Variants in NR6A1 observed in about 807,000 individuals in gnomAD.
NR6A1 encodes the protein nuclear receptor subfamily 6 group A member 1.
NR6A1 carries 7 observed loss-of-function variants against 59.1 expected under a neutral mutation model. The ratio of observed to expected loss-of-function variants is 0.12; its 90% CI spans 0.07 to 0.22. The LOEUF is 0.22. Among genes scored for constraint, NR6A1 ranks in the 10% least tolerant of loss-of-function variants. NR6A1 has a pLI of 1.00. For missense variants in NR6A1, 468 were observed against 611.6 expected, an observed-to-expected ratio of 0.77 and a Z score of 2.48; for synonymous variants, 243 against 236.1, an observed-to-expected ratio of 1.03 and a Z score of -0.27.
chr9:124,771,181 CGT>C lies in NR6A1; in HGVS notation c.-64_-63del. 1.0e-6 allele frequency: 1 copy of C among 966,436 alleles called. No homozygotes were observed. Among genetic ancestry groups the C allele is most frequent in the Non-Finnish European group, 1.3e-6 (1 of 745,250 alleles). The allele number at this position is 966,436 out of a possible 1,614,324, so 59.9% of individuals were successfully genotyped here. On this transcript the variant is annotated 5_prime_UTR_variant, in exon 1 of 10. Transcript: ENST00000487099. ...CCGCCATGACCGGCGCCCTAGTCGC[CGT>C]GGTCGTCGTCCGCCGAGGGGAGGAG...
intron 2 of NR6A1, among the ~76,000 whole-genome samples, chr9:124,588,498 C>T (rs4548285): frequency 6.6e-6 from 1 of 151,008 alleles, no homozygotes; most frequent in Non-Finnish European, 1.5e-5. Flanking sequence ...TTAGTAGAGA[C>T]GGGGTTTCAC....
At chr9:124,756,839 C>T (rs954771776) in intron 1 of NR6A1, among the ~76,000 whole-genome samples, 1 of 152,024 alleles carries the variant, frequency 6.6e-6, no homozygotes, top group South Asian at 2.1e-4. Context: ...TAGAGGCAAC[C>T]AGAGAAGGCT....
chr9:124,620,585 G>A (rs1836040998), intron 2 of NR6A1, among the ~76,000 whole-genome samples: 1 of 152,078 alleles, frequency 6.6e-6, no homozygotes, highest in African/African-American at 2.4e-5. Flanking sequence ...TAATACATAT[G>A]GTATAATTCA....
intron 3 of NR6A1, 64 bp from the exon 4 acceptor site, chr9:124,543,921 AAG>A: frequency 2.8e-6 from 4 of 1,443,104 alleles, no homozygotes; most frequent in East Asian, 2.3e-5. Flanking sequence ...TTAGCACAAA[AAG>A]AGAGTTTACT....
In NR6A1 at chr9:124,618,343, C is replaced by A. The variant is rs962961424; in HGVS notation, c.143-63773G>T. On this transcript the variant is annotated intron_variant, in intron 2 of 9. Coordinates refer to ENST00000487099, the MANE Select transcript of NR6A1 (RefSeq NM_033334.4). Reference sequence around the variant, plus strand: ...CTAAAAATGCAAAAAATTAGATGGGCGTGGTGGCATGTGCCTGTAATCCCA... The same window carrying A: ...CTAAAAATGCAAAAAATTAGATGGGAGTGGTGGCATGTGCCTGTAATCCCA... 2.6e-5 allele frequency among the ~76,000 whole-genome samples: 4 copies of A among 151,966 alleles called. 1 individual carries two copies.
chr9:124,713,422 T>C (rs1839336861), intron 2 of NR6A1, among the ~76,000 whole-genome samples: 2 of 152,260 alleles, frequency 1.3e-5, no homozygotes, highest in Non-Finnish European at 1.5e-5. Flanking sequence ...TGTAAAACTT[T>C]TGTGCATCGA....
At chr9:124,752,258 G>T (rs570534644) in intron 1 of NR6A1, among the ~76,000 whole-genome samples, 2 of 152,204 alleles carry the variant, frequency 1.3e-5, no homozygotes, top group Admixed American at 1.3e-4. Flanking sequence ...AACAGAGCAA[G>T]ACTCTGTCTC....
At chr9:124,735,667 G>A (rs1840001228) in intron 1 of NR6A1, among the ~76,000 whole-genome samples, 2 of 152,160 alleles carry the variant, frequency 1.3e-5, no homozygotes, top group South Asian at 4.1e-4. Flanking sequence ...TCTACATAAA[G>A]GCAATGGGAA....
intron 1 of NR6A1, among the ~76,000 whole-genome samples, chr9:124,763,314 T>C (rs1206086522): frequency 6.6e-6 from 1 of 152,272 alleles, no homozygotes; most frequent in Non-Finnish European, 1.5e-5. Context: ...ATACAGTTTG[T>C]GCCTTGATTT....
In NR6A1 at chr9:124,771,057, C is replaced by T. The variant is rs1298743709; in HGVS notation, c.63G>A (p.Leu21=). 1.1e-5 allele frequency: 14 copies of T among 1,230,476 alleles called. No individual in the cohort carries two copies. Among genetic ancestry groups the T allele is most frequent in the Non-Finnish European group, 1.3e-5 (13 of 987,252 alleles). The allele number at this position is 1,230,476 out of a possible 1,614,324, so 76.2% of individuals were successfully genotyped here. Residue 21 remains leucine (L), a synonymous_variant, in exon 1 of 10, where the codon CTG becomes CTA. Transcript: ENST00000487099. Reference sequence around the variant, plus strand: ...GCGGAGGGAGCGCGGCGGGAGGCTCCAGGAACCCCGCCGAGCCCCCGCCGC... The same window carrying T: ...GCGGAGGGAGCGCGGCGGGAGGCTCTAGGAACCCCGCCGAGCCCCCGCCGC... ...GGGGGGSAGF[L]EPPAALPPPP...
chr9:124,585,642 A>G (rs1362267855), intron 2 of NR6A1, among the ~76,000 whole-genome samples: 1 of 151,836 alleles, frequency 6.6e-6, no homozygotes, highest in Non-Finnish European at 1.5e-5. Context: ...GAAGGTGGCT[A>G]CACTAAACAA....
rs942768685 is a variant in NR6A1 at position 124,521,809 on chromosome 9, AGGGAGT to A, written c.*890_*895del. ...GGGCCAATAGGAAGTCAAATGTGTA[AGGGAGT>A]GGGAAGGAGGAAGGTGGGCCTCAGG... On this transcript the variant is annotated 3_prime_UTR_variant, in exon 10 of 10. Transcript: ENST00000487099. The A allele has an allele frequency of 1.8e-4, 27 of 152,258 alleles. No individual in the cohort carries two copies. Among genetic ancestry groups the A allele is most frequent in the African/African-American group, 5.1e-4 (21 of 41,438 alleles). The allele number at this position is 152,258 out of a possible 1,614,324, so 9.4% of individuals were successfully genotyped here. A position where few individuals can be genotyped will look rare whatever the true frequency, so the allele number is the denominator to read the frequency against.
chr9:124,633,440 GA>G (rs1410702236), intron 2 of NR6A1, among the ~76,000 whole-genome samples: 1 of 146,722 alleles, frequency 6.8e-6, no homozygotes, highest in Non-Finnish European at 1.5e-5. Flanking sequence ...GTGATATGAA[GA>G]TCACAAGGTA....
chr9:124,575,919 T>C (rs1345278753), intron 2 of NR6A1, among the ~76,000 whole-genome samples: 2 of 152,182 alleles, frequency 1.3e-5, no homozygotes, highest in African/African-American at 4.8e-5. Context: ...AAAGCTCCTA[T>C]GAGAACCAAA....
At chr9:124,687,145 GTCACAC>G (rs1251818477) in intron 2 of NR6A1, among the ~76,000 whole-genome samples, 3 of 151,018 alleles carry the variant, frequency 2.0e-5, no homozygotes, top group African/African-American at 7.3e-5. Context: ...ATCAGGTCAG[GTCACAC>G]TCTGTCACTC....
At chr9:124,633,839 G>A (rs565808653) in intron 2 of NR6A1, among the ~76,000 whole-genome samples, 10 of 152,232 alleles carry the variant, frequency 6.6e-5, no homozygotes, top group Non-Finnish European at 8.8e-5. Context: ...TAACCTCCAT[G>A]TGGACTGCCT....
At position 124,520,684 on chromosome 9, in the gene NR6A1, A is replaced by T. The variant is rs1022923803; in HGVS notation, c.*2021T>A. On this transcript the variant is annotated 3_prime_UTR_variant, in exon 10 of 10. Coordinates refer to ENST00000487099, the MANE Select transcript of NR6A1 (RefSeq NM_033334.4). Reference sequence around the variant, plus strand: ...TGTGTCTCCTTCCCGATCTGGAGGAAAGCAGCTCAGAGTCTGACCTGTGGC... The same window carrying T: ...TGTGTCTCCTTCCCGATCTGGAGGATAGCAGCTCAGAGTCTGACCTGTGGC... The T allele has an allele frequency of 2.6e-5, 4 of 152,252 alleles. No individual in the cohort carries two copies. Among genetic ancestry groups the T allele is most frequent in the African/African-American group, 9.6e-5 (4 of 41,462 alleles). 9.4% of individuals were successfully genotyped at this position (152,252 alleles called of 1,614,324 possible). A position where few individuals can be genotyped will look rare whatever the true frequency, so the allele number is the denominator to read the frequency against.
chr9:124,557,106 T>C (rs1488342264), intron 2 of NR6A1, among the ~76,000 whole-genome samples: 1 of 152,116 alleles, frequency 6.6e-6, no homozygotes. Flanking sequence ...CAAATTGACA[T>C]AACCACGTTA....
rs142862355 is a variant in NR6A1 at position 124,758,979 on chromosome 9, T to C, written c.100+12041A>G. Among the ~76,000 whole-genome samples, 9 of 152,286 alleles carry C rather than the reference T, an allele frequency of 5.9e-5. No homozygotes were observed. In the South Asian group the frequency reaches 8.3e-4, roughly 14 times the overall value. ...TTTTATAGGTGGACCCACAGAGACA[T>C]GCATTTGAGACAGAGCTAGAATCAG... On this transcript the variant is annotated intron_variant, in intron 1 of 9. Transcript: ENST00000487099.
Sources: gnomAD v4.1 joint callset for allele counts (sites outside exome capture counted in the v4.1 genomes callset) on GRCh38, gnomAD v4.1.1 for gene constraint, MANE v1.5 for transcripts, NCBI Gene and HGNC (gene_info 2026-07-23, HGNC 2026-07-21) for gene names.